VIL1: variants seen among roughly 807,000 people sequenced by gnomAD.
The protein encoded by VIL1 is villin 1.
In VIL1, 86 loss-of-function variants were observed where a neutral mutation model predicts 104.0. The ratio of observed to expected loss-of-function variants is 0.83; its 90% CI spans 0.69 to 0.99. VIL1 has a LOEUF of 0.99. Ranked by LOEUF, VIL1 falls within the 50% of genes least tolerant of loss-of-function variation. The pLI is 0.00. For synonymous variants in VIL1, 394 were observed against 412.6 expected (o/e 0.95, Z 0.55); for missense variants, 944 against 1,054.1 (o/e 0.90, Z 1.45).
Position 218,440,732 on chromosome 2 carries a change from G to T in VIL1, c.2240G>T (p.Ser747Ile), listed in dbSNP as rs1312561501. The change falls in exon 19 of 20, where the codon AGC becomes ATC. Residue 747 changes from serine to isoleucine, a missense_variant. Transcript: ENST00000248444. The stretch of plus-strand genomic sequence containing the variant: ...CCTTTTCTTTCCTAGGAGGTCACAA[G>T]CCCCAAAGTGGACGTGTTCAATGCT... ...DWSQITAEVT[S>I]PKVDVFNANS... The T allele has an allele frequency of 1.9e-6, 3 of 1,613,806 alleles. No individual in the cohort carries two copies. The highest frequency in any genetic ancestry group is 2.5e-6 in the Non-Finnish European group (3 of 1,179,888).
intron 19 of VIL1, among the ~76,000 whole-genome samples, chr2:218,447,044 G>C (rs1689375538): frequency 6.6e-6 from 1 of 152,186 alleles, no homozygotes; most frequent in South Asian, 2.1e-4. Flanking sequence ...GATTACAGGT[G>C]TGAGCCAACG....
intron 4 of VIL1, among the ~76,000 whole-genome samples, chr2:218,427,577 C>T (rs1055511756): frequency 2.6e-5 from 4 of 152,048 alleles, no homozygotes; most frequent in Admixed American, 6.5e-5. Flanking sequence ...CTGCCCACCT[C>T]GGCCTCCCAA....
intron 15 of VIL1, 145 bp from the exon 16 acceptor site, chr2:218,436,337 G>C: frequency 9.2e-7 from 1 of 1,089,800 alleles, no homozygotes; most frequent in South Asian, 1.6e-5. Context: ...GGAATGAGAG[G>C]GGACCCTTTT....
At chr2:218,427,878 C>A in intron 4 of VIL1, 87 bp from the exon 5 acceptor site, 1 of 1,306,910 alleles carries the variant, frequency 7.7e-7, no homozygotes, top group Non-Finnish European at 1.1e-6. Context: ...CTCACGTGAC[C>A]CCAGCGTGGC....
At chr2:218,426,330 C>T (rs896997609) in intron 4 of VIL1, among the ~76,000 whole-genome samples, 1 of 152,050 alleles carries the variant, frequency 6.6e-6, no homozygotes, top group African/African-American at 2.4e-5. Context: ...TCTTGGCTCA[C>T]TGCAAACTCC....
rs906795218 is a variant in VIL1 at position 218,430,885 on chromosome 2, G to C, written c.1102+7G>C. On this transcript the variant is annotated splice_region_variant and intron_variant, in intron 10 of 19. Coordinates refer to ENST00000248444, the MANE Select transcript of VIL1 (RefSeq NM_007127.3). Reference sequence around the variant, plus strand: ...CACACTGTGGGCTCCGTGGGTGAGGGCCAGGCGGGGGCAGTGAGGGAGCCA... The same window carrying C: ...CACACTGTGGGCTCCGTGGGTGAGGCCCAGGCGGGGGCAGTGAGGGAGCCA... 1 of 1,609,730 alleles carries C rather than the reference G, an allele frequency of 6.2e-7. No individual in the cohort carries two copies. The highest frequency in any genetic ancestry group is 1.3e-5 in the African/African-American group (1 of 74,810).
At chr2:218,433,345 G>A (rs911473758) in intron 13 of VIL1, among the ~76,000 whole-genome samples, 2 of 152,056 alleles carry the variant, frequency 1.3e-5, no homozygotes, top group East Asian at 3.8e-4. Flanking sequence ...TGAGGCAGAA[G>A]AATCTCTTCA....
chr2:218,425,620 C>T lies in VIL1; in HGVS notation c.156C>T (p.His52=). The change falls in exon 4 of 20, where the codon CAC becomes CAT. Residue 52 remains histidine (H), a synonymous_variant. Coordinates refer to ENST00000248444, the MANE Select transcript of VIL1 (RefSeq NM_007127.3). ...DGDCYIILAI[H]KTASSLSYDI... ...ACTGGACACCTTTTCCCTAGATCCA[C>T]AAGACAGCCAGCAGCCTGTCCTATG... The T allele has an allele frequency of 1.2e-6, 2 of 1,614,116 alleles. No homozygotes were observed. The highest frequency in any genetic ancestry group is 1.7e-6 in the Non-Finnish European group (2 of 1,180,004).
At chr2:218,420,928 G>C (rs1254791995) in intron 1 of VIL1, among the ~76,000 whole-genome samples, 2 of 152,126 alleles carry the variant, frequency 1.3e-5, no homozygotes. Flanking sequence ...GGAGCTGGGG[G>C]CTGCAAAGAC....
Position 218,424,368 on chromosome 2 carries a change from G to A in VIL1, c.150+17G>A. ...ATCCTGGCTGTGAGTCAGGGGCAGG[G>A]GAGGGGGCTGAGCAGAGAGCAAAAC... On this transcript the variant is annotated intron_variant, in intron 3 of 19. Coordinates refer to ENST00000248444, the MANE Select transcript of VIL1 (RefSeq NM_007127.3). 6.2e-7 allele frequency: 1 copy of A among 1,613,038 alleles called. No homozygotes were observed.
chr2:218,429,765 G>T, intron 8 of VIL1, 84 bp from the exon 9 acceptor site: 2 of 1,594,992 alleles, frequency 1.3e-6, no homozygotes, highest in South Asian at 2.2e-5. Context: ...GGGTGGGCCT[G>T]GGAGGGAGAG....
chr2:218,424,194 GCCTCCTCCCCTTGGGC>G, intron 2 of VIL1, 67 bp from the exon 3 acceptor site: 2 of 1,235,162 alleles, frequency 1.6e-6, no homozygotes, highest in Non-Finnish European at 2.3e-6. Flanking sequence ...TGTCTCCGAC[GCCTCCTCCCCTTGGGC>G]CCTCCTCCCA....
chr2:218,421,814 T>C (rs1688902147), intron 1 of VIL1, among the ~76,000 whole-genome samples: 1 of 152,154 alleles, frequency 6.6e-6, no homozygotes, highest in East Asian at 1.9e-4. Flanking sequence ...CCTCTATTCC[T>C]CTTGCTGCCA....
In VIL1 at chr2:218,429,862, T is replaced by G. The variant is rs765155537; in HGVS notation, c.863T>G (p.Leu288Arg). ...TCCCGACTCTAGGACTGTTACATCC[T>G]GGACCAGGGGGGCCTGAAGATCTAC... The part of the protein sequence containing the change: ...DLLSHEDCYI[L>R]DQGGLKIYVW... Residue 288 changes from leucine to arginine, a missense_variant, in exon 9 of 20, where the codon CTG becomes CGG. By Grantham distance (102) the Leu-to-Arg change is moderately radical. Transcript: ENST00000248444. The G allele has an allele frequency of 1.2e-6, 2 of 1,610,006 alleles. No individual in the cohort carries two copies. Among genetic ancestry groups the G allele is most frequent in the Non-Finnish European group, 1.7e-6 (2 of 1,179,408 alleles).
chr2:218,447,740 GT>G (rs71403038), intron 19 of VIL1, among the ~76,000 whole-genome samples: 2 of 148,440 alleles, frequency 1.3e-5, no homozygotes. Context: ...ACTTTGTTTT[GT>G]TTTTTTTTTG....
chr2:218,425,922 A>C, intron 4 of VIL1, 111 bp downstream of exon 4: 1 of 1,201,024 alleles, frequency 8.3e-7, no homozygotes, highest in Non-Finnish European at 1.1e-6. Flanking sequence ...GCCTGGGAAG[A>C]ACACTTGGAG....
chr2:218,421,887 C>T (rs1264362258), intron 1 of VIL1, among the ~76,000 whole-genome samples: 1 of 152,166 alleles, frequency 6.6e-6, no homozygotes, highest in African/African-American at 2.4e-5. Flanking sequence ...TAGTTAACCC[C>T]CTAAGTTGAC....
chr2:218,424,145 T>C (rs1688938674), intron 2 of VIL1, 132 bp from the exon 3 acceptor site: 1 of 771,512 alleles, frequency 1.3e-6, no homozygotes, highest in Non-Finnish European at 2.1e-6. Flanking sequence ...TCTTCTCCTC[T>C]CTTCCTTTTC....
intron 19 of VIL1, among the ~76,000 whole-genome samples, chr2:218,445,076 A>G (rs901217211): frequency 5.3e-5 from 8 of 152,046 alleles, no homozygotes; most frequent in South Asian, 4.2e-4. Context: ...CTGATCCCCA[A>G]ATCATTTATA....
Sources: gnomAD v4.1 joint callset for allele counts (sites outside exome capture counted in the v4.1 genomes callset) on GRCh38, gnomAD v4.1.1 for gene constraint, MANE v1.5 for transcripts, NCBI Gene and HGNC (gene_info 2026-07-23, HGNC 2026-07-21) for gene names.